The following LNPK variants were observed in gnomAD, a reference collection of about 807,000 sequenced individuals.
LNPK encodes lunapark, ER junction formation factor.
In LNPK, 29 loss-of-function variants were observed where a neutral mutation model predicts 55.2. The observed-to-expected ratio is 0.53, with a 90% CI of 0.39 to 0.72. The LOEUF (loss-of-function observed/expected upper bound fraction) is 0.72, where lower values mean the gene tolerates loss of function less well. LNPK is among the 30% of genes least tolerant of loss of function. The probability of loss-of-function intolerance (pLI) is 0.00; values close to 1 mark genes in which losing one functional copy is unlikely to be tolerated. For synonymous variants in LNPK, 162 were observed against 168.2 expected (o/e 0.96, Z 0.29); for missense variants, 467 against 494.8 (o/e 0.94, Z 0.53).
At chr2:175,998,139 T>C (rs1688017242) in intron 1 of LNPK, among the ~76,000 whole-genome samples, 1 of 151,982 alleles carries the variant, frequency 6.6e-6, no homozygotes, top group Non-Finnish European at 1.5e-5. Context: ...GTGTGCTAAG[T>C]AACATCCCAA....
intron 4 of LNPK, 37 bp from the exon 5 acceptor site, chr2:175,979,905 A>C (rs1158705590): frequency 6.5e-7 from 1 of 1,529,438 alleles, no homozygotes; most frequent in Non-Finnish European, 8.8e-7. Context: ...AAAAAACATC[A>C]TTAGAAAAAG....
At chr2:175,941,393 A>T (rs1484666019) in intron 9 of LNPK, among the ~76,000 whole-genome samples, 1 of 151,920 alleles carries the variant, frequency 6.6e-6, no homozygotes, top group Non-Finnish European at 1.5e-5. Context: ...AATTTGATTA[A>T]ATCTATAAAC....
intron 12 of LNPK, among the ~76,000 whole-genome samples, chr2:175,931,378 C>T (rs1284560541): frequency 2.0e-5 from 3 of 152,156 alleles, no homozygotes; most frequent in Admixed American, 1.3e-4. Context: ...GTTATATGCA[C>T]ATGTGTTAAT....
At chr2:175,993,276 AC>A in intron 2 of LNPK, 53 bp from the exon 3 acceptor site, 1 of 1,063,714 alleles carries the variant, frequency 9.4e-7, no homozygotes. Context: ...ACAAACCTTT[AC>A]ATTTTGATAT....
At chr2:175,980,634 C>T (rs1315346237) in intron 4 of LNPK, among the ~76,000 whole-genome samples, 4 of 152,114 alleles carry the variant, frequency 2.6e-5, no homozygotes, top group African/African-American at 7.2e-5. Context: ...AGGCTGGGCA[C>T]GGTGGCTCAC....
intron 4 of LNPK, among the ~76,000 whole-genome samples, chr2:175,980,363 G>A (rs1015129427): frequency 6.6e-6 from 1 of 152,112 alleles, no homozygotes; most frequent in Non-Finnish European, 1.5e-5. Context: ...AAGAGATTAA[G>A]CTACCTGAAG....
chr2:175,939,504 C>G lies in LNPK; in HGVS notation c.812+48G>C, dbSNP rs778867357. 5.6e-6 allele frequency: 6 copies of G among 1,066,064 alleles called. No individual in the cohort carries two copies. The African/African-American group carries it at 9.4e-5, about 17-fold the overall frequency. 66.0% of individuals were successfully genotyped at this position (1,066,064 alleles called of 1,614,324 possible). A position where few individuals can be genotyped will look rare whatever the true frequency, so the allele number is the denominator to read the frequency against. ...AACATCTAGTGTGTACACACACACA[C>G]ACATCCTGTTTTCATTTTCATTTAT... On this transcript the variant is annotated intron_variant, in intron 10 of 12. Coordinates refer to ENST00000272748, the MANE Select transcript of LNPK (RefSeq NM_030650.3).
At chr2:175,940,996 C>T in intron 9 of LNPK, 1 of 454,520 alleles carries the variant, frequency 2.2e-6, no homozygotes, top group South Asian at 1.6e-5. Context: ...GCCTGTAATC[C>T]CAGCACTTTG....
intron 4 of LNPK, 105 bp downstream of exon 4, chr2:175,992,126 G>C: frequency 1.4e-6 from 1 of 692,810 alleles, no homozygotes. Flanking sequence ...AACTCAATCA[G>C]ATATTACCAT....
At position 176,002,263 on chromosome 2, in the gene LNPK, G is replaced by C. The variant is rs946434127; in HGVS notation, c.-166C>G. ...GCAGGCAGCAGCCGCCACTGACAGA[G>C]AGACAAGCCGGGCCAACTCCTTCCC... is the stretch of plus-strand genomic sequence containing the variant. On this transcript the variant is annotated 5_prime_UTR_variant, in exon 1 of 13. Coordinates refer to ENST00000272748, the MANE Select transcript of LNPK (RefSeq NM_030650.3). 2.2e-5 allele frequency: 10 copies of C among 449,380 alleles called. No individual in the cohort carries two copies. Among genetic ancestry groups the C allele is most frequent in the African/African-American group, 2.0e-5 (1 of 49,190 alleles). The allele number at this position is 449,380 out of a possible 1,614,324, so 27.8% of individuals were successfully genotyped here. A position where few individuals can be genotyped will look rare whatever the true frequency, so the allele number is the denominator to read the frequency against.
At position 175,929,425 on chromosome 2, in the gene LNPK, T is replaced by TA; in HGVS notation, c.*541dup. On this transcript the variant is annotated 3_prime_UTR_variant, in exon 13 of 13. Coordinates refer to ENST00000272748, the MANE Select transcript of LNPK (RefSeq NM_030650.3). Reference sequence around the variant, plus strand: ...CTACTTAACTGTTCCACTGCATTCTTATTGAGAATTCGTACCAGTGCCTAT... The same window carrying TA: ...CTACTTAACTGTTCCACTGCATTCTTAATTGAGAATTCGTACCAGTGCCTAT... 1 of 985,826 alleles carries TA rather than the reference T, an allele frequency of 1.0e-6. No homozygotes were observed. The highest frequency in any genetic ancestry group is 1.2e-6 in the Non-Finnish European group (1 of 829,886). 61.1% of individuals were successfully genotyped at this position (985,826 alleles called of 1,614,324 possible).
chr2:175,962,013 T>C (rs2105618277), intron 8 of LNPK, among the ~76,000 whole-genome samples: 1 of 152,246 alleles, frequency 6.6e-6, no homozygotes, highest in Non-Finnish European at 1.5e-5. Flanking sequence ...GAATGACCTC[T>C]TCAAGGAGAA....
At chr2:175,975,761 A>C (rs1052631029) in intron 5 of LNPK, among the ~76,000 whole-genome samples, 2 of 152,244 alleles carry the variant, frequency 1.3e-5, no homozygotes, top group African/African-American at 4.8e-5. Flanking sequence ...CTGTAATCCC[A>C]GCACTTTGGG....
intron 6 of LNPK, among the ~76,000 whole-genome samples, chr2:175,965,172 C>T (rs1686264607): frequency 6.6e-6 from 1 of 152,130 alleles, no homozygotes; most frequent in Admixed American, 6.6e-5. Flanking sequence ...TTTACTTAGA[C>T]TCAAACAACT....
chr2:175,930,236 G>T, intron 12 of LNPK, 37 bp from the exon 13 acceptor site: 2 of 1,574,010 alleles, frequency 1.3e-6, no homozygotes, highest in South Asian at 2.2e-5. Context: ...AGGAATACCT[G>T]AACGTTAAAA....
Position 175,929,590 on chromosome 2 carries a change from C to G in LNPK, c.*377G>C. 1.0e-6 allele frequency: 1 copy of G among 1,002,670 alleles called. No homozygotes were observed. The highest frequency in any genetic ancestry group is 1.2e-6 in the Non-Finnish European group (1 of 841,130). The allele number at this position is 1,002,670 out of a possible 1,614,324, so 62.1% of individuals were successfully genotyped here. On this transcript the variant is annotated 3_prime_UTR_variant, in exon 13 of 13. Coordinates refer to ENST00000272748, the MANE Select transcript of LNPK (RefSeq NM_030650.3). ...CTTAACCAAGTTTCATTCCTTAAAA[C>G]AAACACAATTAGAGAACTTACTCTT...
intron 4 of LNPK, among the ~76,000 whole-genome samples, chr2:175,983,717 A>G (rs983699310): frequency 3.3e-5 from 5 of 152,182 alleles, no homozygotes; most frequent in Non-Finnish European, 7.3e-5. Flanking sequence ...GCAAATGCAA[A>G]CAAAACAAGG....
rs1183601296 is a variant in LNPK, at chr2:175,928,639, C to A, written c.*1328G>T. The A allele has an allele frequency of 6.6e-6, 1 of 151,864 alleles. No homozygotes were observed. Among genetic ancestry groups the A allele is most frequent in the Non-Finnish European group, 1.5e-5 (1 of 67,970 alleles). 9.4% of individuals were successfully genotyped at this position (151,864 alleles called of 1,614,324 possible). ...AACTTAGAAACATTAGCCAAACACA[C>A]CATTCTTATACAGGTATATTTTTCC... On this transcript the variant is annotated 3_prime_UTR_variant, in exon 13 of 13. Coordinates refer to ENST00000272748, the MANE Select transcript of LNPK (RefSeq NM_030650.3).
intron 4 of LNPK, among the ~76,000 whole-genome samples, chr2:175,987,887 T>G (rs116977292): frequency 2.0e-5 from 3 of 152,148 alleles, no homozygotes; most frequent in Non-Finnish European, 2.9e-5. Context: ...AACTTCAATA[T>G]AATAGAATCA....
Sources: gnomAD v4.1 joint callset for allele counts (sites outside exome capture counted in the v4.1 genomes callset) on GRCh38, gnomAD v4.1.1 for gene constraint, MANE v1.5 for transcripts, NCBI Gene and HGNC (gene_info 2026-07-23, HGNC 2026-07-21) for gene names.